Variants in SKAP2 observed in about 807,000 individuals in gnomAD.
SKAP2 encodes src kinase associated phosphoprotein 2.
Under a neutral mutation model 54.9 loss-of-function variants are expected in SKAP2, and 28 were observed. That is an observed-to-expected ratio of 0.51 (90% CI 0.38 to 0.70). The LOEUF (loss-of-function observed/expected upper bound fraction) is 0.70, where lower values mean the gene tolerates loss of function less well. Ranked by LOEUF, SKAP2 falls within the 30% of genes least tolerant of loss-of-function variation. SKAP2 has a pLI of 0.00. For synonymous variants in SKAP2, 137 were observed against 134.3 expected, an observed-to-expected ratio of 1.02 and a Z score of -0.14; for missense variants, 356 against 424.1, an observed-to-expected ratio of 0.84 and a Z score of 1.41.
At chr7:26,673,627 G>A (rs1786287923) in intron 11 of SKAP2, among the ~76,000 whole-genome samples, 1 of 151,970 alleles carries the variant, frequency 6.6e-6, no homozygotes, top group Non-Finnish European at 1.5e-5. Context: ...TGGCTTCAAG[G>A]CAAAATGTAG....
chr7:26,740,030 A>G (rs1782400346), intron 4 of SKAP2, 66 bp from the exon 5 acceptor site: 1 of 920,174 alleles, frequency 1.1e-6, no homozygotes, highest in African/African-American at 1.7e-5. Context: ...AACAAGTGCC[A>G]GATCTCATTA....
chr7:26,732,840 C>T (rs1337475198), intron 6 of SKAP2, among the ~76,000 whole-genome samples: 1 of 152,192 alleles, frequency 6.6e-6, no homozygotes. Flanking sequence ...AAACCAACAA[C>T]ATTCGTGGTC....
At chr7:26,700,659 C>A (rs1369223405) in intron 9 of SKAP2, among the ~76,000 whole-genome samples, 1 of 152,212 alleles carries the variant, frequency 6.6e-6, no homozygotes, top group Non-Finnish European at 1.5e-5. Flanking sequence ...CCTGAAGAGT[C>A]CGCCTAGCCT....
intron 4 of SKAP2, among the ~76,000 whole-genome samples, chr7:26,814,675 G>C (rs1784227720): frequency 6.6e-6 from 1 of 150,964 alleles, no homozygotes; most frequent in African/African-American, 2.4e-5. Context: ...TTAAACTCAA[G>C]AGAAACACTT....
chr7:26,801,669 C>T (rs1783918310), intron 4 of SKAP2, among the ~76,000 whole-genome samples: 1 of 152,130 alleles, frequency 6.6e-6, no homozygotes, highest in South Asian at 2.1e-4. Context: ...CTGCAGGATA[C>T]AAAATCAACA....
At chr7:26,763,646 T>G (rs779379732) in intron 4 of SKAP2, among the ~76,000 whole-genome samples, 6 of 152,168 alleles carry the variant, frequency 3.9e-5, no homozygotes, top group Non-Finnish European at 8.8e-5. Context: ...CAAAGATTCT[T>G]GCTGGAGTTA....
In SKAP2 at chr7:26,675,227, C is replaced by T. The variant is rs535886888; in HGVS notation, c.988-5035G>A. ...ACTGTAGACTTTAGCTTGTTCCCAC[C>T]CTGCTGGCAACCTTTTCCTGTCACT... is the stretch of plus-strand genomic sequence containing the variant. On this transcript the variant is annotated intron_variant, in intron 11 of 12. Transcript: ENST00000345317. Among the ~76,000 whole-genome samples, 10 of 152,268 alleles carry T rather than the reference C, an allele frequency of 6.6e-5. No individual in the cohort carries two copies. The East Asian group carries it at 1.7e-3, about 26-fold the overall frequency.
intron 4 of SKAP2, among the ~76,000 whole-genome samples, chr7:26,748,018 G>A (rs868596287): frequency 1.3e-5 from 2 of 152,062 alleles, no homozygotes; most frequent in Admixed American, 6.6e-5. Context: ...TGAATTATAT[G>A]ACACGGAGTC....
intron 4 of SKAP2, among the ~76,000 whole-genome samples, chr7:26,822,019 AAG>A (rs1784392505): frequency 2.0e-5 from 3 of 151,644 alleles, no homozygotes; most frequent in Admixed American, 1.3e-4. Flanking sequence ...TTATTAATGT[AAG>A]TATTTTATTT....
chr7:26,717,663 TA>T (rs879449927), intron 9 of SKAP2, among the ~76,000 whole-genome samples: 85 of 140,592 alleles, frequency 6.0e-4, no homozygotes, highest in Middle Eastern at 3.7e-3. Flanking sequence ...CTGTCTCTAC[TA>T]AAAAAAAAAA....
chr7:26,745,374 A>G (rs746759142), intron 4 of SKAP2, among the ~76,000 whole-genome samples: 5 of 152,244 alleles, frequency 3.3e-5, no homozygotes. Context: ...CCATACAACC[A>G]TATCTTTTTT....
At chr7:26,742,197 AT>A (rs1782469491) in intron 4 of SKAP2, 1 of 152,212 alleles carries the variant, frequency 6.6e-6, no homozygotes, top group Admixed American at 6.5e-5. Context: ...TCTAAAGTGG[AT>A]AATTGTGGAA....
At chr7:26,756,737 T>C (rs1299707054) in intron 4 of SKAP2, among the ~76,000 whole-genome samples, 1 of 152,208 alleles carries the variant, frequency 6.6e-6, no homozygotes, top group Non-Finnish European at 1.5e-5. Context: ...TAGTTCTAGA[T>C]CCTTGAGGAA....
chr7:26,713,821 T>A (rs191697384), intron 9 of SKAP2, among the ~76,000 whole-genome samples: 1 of 152,038 alleles, frequency 6.6e-6, no homozygotes, highest in Non-Finnish European at 1.5e-5. Flanking sequence ...GGATGGTCTC[T>A]ATCTCCTGAC....
At chr7:26,679,207 G>A (rs1786427062) in intron 11 of SKAP2, among the ~76,000 whole-genome samples, 1 of 152,184 alleles carries the variant, frequency 6.6e-6, no homozygotes, top group Non-Finnish European at 1.5e-5. Context: ...AAGGGCTGCA[G>A]CTGCCAGCCT....
the SKAP2 span, among the ~76,000 whole-genome samples, chr7:26,660,806 A>G: frequency 6.6e-6 from 1 of 152,094 alleles, no homozygotes; most frequent in Non-Finnish European, 1.5e-5. Context: ...TTAAGCTGAT[A>G]GAATTGATTA....
At chr7:26,729,275 G>C (rs933560870) in intron 6 of SKAP2, among the ~76,000 whole-genome samples, 10 of 152,112 alleles carry the variant, frequency 6.6e-5, no homozygotes, top group African/African-American at 2.2e-4. Context: ...TTATAGGTAA[G>C]CATCTCAGAT....
At chr7:26,686,856 G>A (rs1786655653) in intron 10 of SKAP2, among the ~76,000 whole-genome samples, 1 of 152,088 alleles carries the variant, frequency 6.6e-6, no homozygotes, top group Non-Finnish European at 1.5e-5. Flanking sequence ...CTGGCCAGGA[G>A]GTAAAAGGAT....
At chr7:26,679,998 T>A (rs1187775752) in intron 11 of SKAP2, among the ~76,000 whole-genome samples, 1 of 152,230 alleles carries the variant, frequency 6.6e-6, no homozygotes, top group East Asian at 1.9e-4. Flanking sequence ...AAAAAGTTTC[T>A]CAAAGGCTGC....
Sources: allele counts gnomAD v4.1 joint callset (sites outside exome capture counted in the v4.1 genomes callset), GRCh38; gene constraint gnomAD v4.1.1; transcripts MANE v1.5; gene names NCBI Gene and HGNC (gene_info 2026-07-23, HGNC 2026-07-21).